The following ADGRF1 variants were observed in gnomAD, a reference collection of about 807,000 sequenced individuals.
ADGRF1 encodes adhesion G protein-coupled receptor F1.
In ADGRF1, 85 loss-of-function variants were observed where a neutral mutation model predicts 87.2. The observed-to-expected ratio is 0.97, with a 90% CI of 0.82 to 1.17. The LOEUF (loss-of-function observed/expected upper bound fraction) is 1.17, where lower values mean the gene tolerates loss of function less well. Ranked by LOEUF, ADGRF1 falls within the 50% of genes most tolerant of loss-of-function variation. The probability of loss-of-function intolerance (pLI) is 0.00; values close to 1 mark genes in which losing one functional copy is unlikely to be tolerated. For missense variants in ADGRF1, 1,169 were observed against 1,077.2 expected (o/e 1.09, Z -1.19); for synonymous variants, 430 against 408.8 (o/e 1.05, Z -0.63).
At chr6:47,039,965 A>AAAATAAAT (rs59928873) in intron 1 of ADGRF1, among the ~76,000 whole-genome samples, 1 of 152,034 alleles carries the variant, frequency 6.6e-6, no homozygotes, top group South Asian at 2.1e-4. Flanking sequence ...CTCTGTCTCA[A>AAAATAAAT]AAATAAATAA....
intron 1 of ADGRF1, among the ~76,000 whole-genome samples, chr6:47,035,418 CT>C (rs1780561584): frequency 6.6e-6 from 1 of 152,058 alleles, no homozygotes; most frequent in African/African-American, 2.4e-5. Flanking sequence ...AAAAAAGTAC[CT>C]GAACAGAACT....
At chr6:47,001,638 T>C in intron 13 of ADGRF1, 71 bp from the exon 14 acceptor site, 1 of 1,162,844 alleles carries the variant, frequency 8.6e-7, no homozygotes, top group Non-Finnish European at 1.3e-6. Flanking sequence ...ATTTCCTGAC[T>C]TCCTGATGTT....
At position 47,016,623 on chromosome 6, in the gene ADGRF1, C is replaced by A. The variant is rs898889480; in HGVS notation, c.757G>T (p.Gly253Ter). 1.2e-6 allele frequency: 2 copies of A among 1,601,406 alleles called. No individual in the cohort carries two copies. The highest frequency in any genetic ancestry group is 1.7e-6 in the Non-Finnish European group (2 of 1,171,198). Residue 253 changes from glycine to a stop codon, truncating the protein, a stop_gained, in exon 8 of 15, where the codon GGA becomes TGA. Coordinates refer to ENST00000371253, the MANE Select transcript of ADGRF1 (RefSeq NM_153840.4). LOFTEE classifies it high-confidence loss of function. ...PLEDGSFRVF[G>*]KAQCNDIVFG... ...GATGGGAATCCAGCATTACCTTTTC[C>A]GAACACTCTGAAAGAGCCGTCTTCT...
At chr6:47,019,219 A>G (rs1223951659) in intron 7 of ADGRF1, 1 of 829,692 alleles carries the variant, frequency 1.2e-6, no homozygotes, top group Non-Finnish European at 1.5e-6. Context: ...ATAGAAAACA[A>G]GGATCACAGA....
chr6:47,012,823 G>A, intron 9 of ADGRF1: 1 of 952,418 alleles, frequency 1.0e-6, no homozygotes, highest in East Asian at 1.2e-4. Flanking sequence ...AGGCTGGAGT[G>A]CGGTGGCATG....
At chr6:47,024,428 C>G (rs552904871) in intron 4 of ADGRF1, 1 of 441,060 alleles carries the variant, frequency 2.3e-6, no homozygotes, top group Admixed American at 3.9e-5. Context: ...GAATCTTGTG[C>G]GTCAGCCACC....
chr6:47,006,618 A>C (rs1779540357), intron 12 of ADGRF1, among the ~76,000 whole-genome samples: 1 of 152,082 alleles, frequency 6.6e-6, no homozygotes. Context: ...ATTCTGATGC[A>C]CCCATCACCT....
intron 1 of ADGRF1, among the ~76,000 whole-genome samples, chr6:47,039,858 A>T (rs933370761): frequency 6.6e-6 from 1 of 152,156 alleles, no homozygotes; most frequent in Non-Finnish European, 1.5e-5. Context: ...GCTACTCAGG[A>T]GGCTGAGACA....
Position 47,000,197 on chromosome 6 carries a change from T to G in ADGRF1, c.*25A>C. The G allele has an allele frequency of 6.4e-7, 1 of 1,571,996 alleles. No homozygotes were observed. Among genetic ancestry groups the G allele is most frequent in the Non-Finnish European group, 8.7e-7 (1 of 1,145,442 alleles). The stretch of plus-strand genomic sequence containing the variant: ...AAATGTCAAGTTGTTCTGGAAATTT[T>G]TTCTTGATTTTATGATTCCTTGCCT... On this transcript the variant is annotated 3_prime_UTR_variant, in exon 15 of 15. Coordinates refer to ENST00000371253, the MANE Select transcript of ADGRF1 (RefSeq NM_153840.4).
intron 1 of ADGRF1, among the ~76,000 whole-genome samples, chr6:47,030,576 ATG>A (rs3030596): frequency 0.08 from 11,118 of 138,368 alleles, 486 homozygotes; most frequent in African/African-American, 0.14. Context: ...TAACATGAAT[ATG>A]TGTGTGTGTG....
chr6:47,040,630 C>A (rs965197487), intron 1 of ADGRF1, among the ~76,000 whole-genome samples: 3 of 152,172 alleles, frequency 2.0e-5, no homozygotes, highest in African/African-American at 4.8e-5. Context: ...GCCACTCCCC[C>A]ACTTTCTGAC....
chr6:47,002,493 TA>T (rs1006702492), intron 13 of ADGRF1, among the ~76,000 whole-genome samples: 4 of 152,176 alleles, frequency 2.6e-5, no homozygotes, highest in African/African-American at 9.6e-5. Flanking sequence ...TATAAACCTT[TA>T]AAAAAATCAT....
chr6:47,037,717 TG>T (rs1466363723), intron 1 of ADGRF1, among the ~76,000 whole-genome samples: 5 of 152,282 alleles, frequency 3.3e-5, no homozygotes, highest in African/African-American at 9.6e-5. Context: ...CTTGACATAT[TG>T]TTCACACTGG....
intron 7 of ADGRF1, chr6:47,018,572 G>A (rs757867384): frequency 1.4e-4 from 182 of 1,289,174 alleles, no homozygotes; most frequent in Non-Finnish European, 1.8e-4. Flanking sequence ...TTCCACAGGT[G>A]TATAACTGTC....
Position 47,029,033 on chromosome 6 carries a change from G to C in ADGRF1, c.29C>G (p.Ser10Cys). 6.2e-7 allele frequency: 1 copy of C among 1,614,152 alleles called. No individual in the cohort carries two copies. Among genetic ancestry groups the C allele is most frequent in the Non-Finnish European group, 8.5e-7 (1 of 1,180,018 alleles). ...GTGGCCGTCAGTGAAGGTGAAGAAA[G>C]AAATGAGCCACAGCACTCCAACTTT... MKVGVLWLI[S>C]FFTFTDGHGG... The change falls in exon 2 of 15, where the codon TCT becomes TGT. Residue 10 changes from serine (S) to cysteine (C), a missense_variant. Coordinates refer to ENST00000371253, the MANE Select transcript of ADGRF1 (RefSeq NM_153840.4).
intron 10 of ADGRF1, among the ~76,000 whole-genome samples, chr6:47,010,622 G>A (rs767043978): frequency 3.9e-5 from 6 of 152,176 alleles, no homozygotes; most frequent in South Asian, 2.1e-4. Flanking sequence ...CACATGTGAT[G>A]TGCATTTCCT....
chr6:47,020,559 C>T, intron 7 of ADGRF1, 172 bp downstream of exon 7: 2 of 1,507,074 alleles, frequency 1.3e-6, no homozygotes, highest in Non-Finnish European at 8.8e-7. Context: ...CTAGGCTTTA[C>T]TCTTCAGACT....
At position 47,009,568 on chromosome 6, in the gene ADGRF1, G is replaced by A. The variant is rs151335777; in HGVS notation, c.1867C>T (p.Arg623Cys). The change falls in exon 11 of 15, where the codon CGT becomes TGT. Residue 623 changes from arginine to cysteine, a missense_variant. Transcript: ENST00000371253. ...QIKKSQTSHT[R>C]RICMVNIALS... ...GCTATGTTCACCATGCAAATACGAC[G>A]TGTGTGAGAGGTTTGGCTTTTTTTA... 93 of 1,614,090 alleles carry A rather than the reference G, an allele frequency of 5.8e-5. No individual in the cohort carries two copies. The highest frequency in any genetic ancestry group is 4.0e-4 in the East Asian group (18 of 44,866).
chr6:47,012,416 C>A (rs148064443), intron 9 of ADGRF1: 2 of 764,142 alleles, frequency 2.6e-6, no homozygotes, highest in Admixed American at 4.3e-5. Context: ...TTTCAACATC[C>A]TTTGAGGGAG....
Sources: allele counts gnomAD v4.1 joint callset (sites outside exome capture counted in the v4.1 genomes callset), GRCh38; gene constraint gnomAD v4.1.1; transcripts MANE v1.5; gene names NCBI Gene and HGNC (gene_info 2026-07-23, HGNC 2026-07-21).